The following SUPT3H variants were observed in gnomAD, a reference collection of about 807,000 sequenced individuals.
SUPT3H encodes the protein SPT3 homolog, SAGA and STAGA complex component, also known as transcription initiation protein SPT3 homolog.
SUPT3H carries 44 observed loss-of-function variants against 44.3 expected under a neutral mutation model. That is an observed-to-expected ratio of 0.99 (90% CI 0.78 to 1.28). The LOEUF is 1.28. Ranked by LOEUF, SUPT3H falls within the 50% of genes most tolerant of loss-of-function variation. The pLI is 0.00. For missense variants in SUPT3H, 380 were observed against 387.1 expected, an observed-to-expected ratio of 0.98 and a Z score of 0.15; for synonymous variants, 124 against 125.6, an observed-to-expected ratio of 0.99 and a Z score of 0.09.
intron 10 of SUPT3H, among the ~76,000 whole-genome samples, chr6:44,913,312 C>T (rs1010557113): frequency 1.3e-5 from 2 of 152,158 alleles, no homozygotes; most frequent in African/African-American, 4.8e-5. Context: ...CTGTGTTTAT[C>T]ATTGGCTTTT....
At chr6:45,202,267 G>T (rs2153626484) in intron 2 of SUPT3H, among the ~76,000 whole-genome samples, 1 of 151,916 alleles carries the variant, frequency 6.6e-6, no homozygotes, top group Non-Finnish European at 1.5e-5. Context: ...TTTTAATAAT[G>T]ATGATACCTT....
intron 10 of SUPT3H, among the ~76,000 whole-genome samples, chr6:44,927,376 T>C (rs868855783): frequency 6.6e-6 from 1 of 152,308 alleles, no homozygotes; most frequent in Middle Eastern, 3.4e-3. Context: ...ACAGTAGCAT[T>C]TCTTTCATAA....
chr6:45,050,878 ATTTTTT>A (rs35575281), intron 3 of SUPT3H, among the ~76,000 whole-genome samples: 1 of 86,164 alleles, frequency 1.2e-5, no homozygotes, highest in East Asian at 3.7e-4. Flanking sequence ...AGGGTATGGG[ATTTTTT>A]TTTTTTTTTT....
Position 45,043,885 on chromosome 6 carries a change from C to T in SUPT3H, c.187-23253G>A, listed in dbSNP as rs200351934. ...AATAAAACTAAATGAACTGAAGCTA[C>T]AAACAACTCAGGGCTTTCAAGAACC... On this transcript the variant is annotated intron_variant, in intron 3 of 10. Coordinates refer to ENST00000371459, the MANE Select transcript of SUPT3H (RefSeq NM_003599.4). Among the ~76,000 whole-genome samples, 15 of 152,224 alleles carry T rather than the reference C, an allele frequency of 9.9e-5. No homozygotes were observed. The East Asian group carries it at 2.3e-3, about 23-fold the overall frequency.
rs1452428787 is a variant in SUPT3H at position 45,102,802 on chromosome 6, C to T, written c.186+3120G>A. 4.0e-5 allele frequency among the ~76,000 whole-genome samples: 6 copies of T among 151,840 alleles called. No homozygotes were observed. The East Asian group carries it at 5.8e-4, about 15-fold the overall frequency. ...CTAAAAATACAAAAAATTAGCTGGGCGTGGTGGCACACCTGTAATCTCAGC... is the reference window on the plus strand; with the variant it reads ...CTAAAAATACAAAAAATTAGCTGGGTGTGGTGGCACACCTGTAATCTCAGC... On this transcript the variant is annotated intron_variant, in intron 3 of 10. Transcript: ENST00000371459.
At chr6:45,117,307 TC>T (rs1225503851) in intron 2 of SUPT3H, among the ~76,000 whole-genome samples, 2 of 151,950 alleles carry the variant, frequency 1.3e-5, no homozygotes, top group Non-Finnish European at 2.9e-5. Context: ...GAAATATAAC[TC>T]TCCATCTCAT....
chr6:45,085,171 T>A (rs1796332809), intron 3 of SUPT3H, among the ~76,000 whole-genome samples: 1 of 152,090 alleles, frequency 6.6e-6, no homozygotes, highest in African/African-American at 2.4e-5. Flanking sequence ...GAAAAGAAAG[T>A]GCAAACATCT....
chr6:45,017,829 G>A (rs1310277265), intron 4 of SUPT3H, among the ~76,000 whole-genome samples: 1 of 140,390 alleles, frequency 7.1e-6, no homozygotes, highest in African/African-American at 2.7e-5. Flanking sequence ...GGCGATGTGG[G>A]CTCTGTTTTG....
At position 45,015,586 on chromosome 6, in the gene SUPT3H, G is replaced by A. The variant is rs114294232; in HGVS notation, c.274-695C>T. On this transcript the variant is annotated intron_variant, in intron 4 of 10. Coordinates refer to ENST00000371459, the MANE Select transcript of SUPT3H (RefSeq NM_003599.4). ...TTTCTTCAATAATAAATGTGCCTTA[G>A]CTTACTTACTGTAACTATTTTACTT... is the stretch of plus-strand genomic sequence containing the variant. Among the ~76,000 whole-genome samples, 1,391 of 152,020 alleles carry A rather than the reference G, an allele frequency of 9.2e-3. 20 individuals carry two copies. The highest frequency in any genetic ancestry group is 0.032 in the African/African-American group (1,329 of 41,506).
chr6:45,305,227 C>CG (rs1372290062), intron 2 of SUPT3H, among the ~76,000 whole-genome samples: 2 of 152,124 alleles, frequency 1.3e-5, no homozygotes, highest in Non-Finnish European at 2.9e-5. Context: ...TCCATATTAC[C>CG]GGAACATAAC....
intron 2 of SUPT3H, among the ~76,000 whole-genome samples, chr6:45,330,160 G>GT (rs1196116935): frequency 1.3e-5 from 2 of 151,790 alleles, no homozygotes; most frequent in African/African-American, 2.4e-5. Flanking sequence ...CTCAATAGCT[G>GT]TAAGTGGGCC....
intron 10 of SUPT3H, among the ~76,000 whole-genome samples, chr6:44,871,159 G>A (rs914959689): frequency 6.3e-4 from 95 of 150,202 alleles, no homozygotes; most frequent in African/African-American, 2.0e-3. Context: ...GCTCAAGGAG[G>A]CCTGCCTGCC....
Position 45,287,506 on chromosome 6 carries a change from G to A in SUPT3H, c.101+77695C>T, listed in dbSNP as rs942653764. Among the ~76,000 whole-genome samples, 3 of 152,088 alleles carry A rather than the reference G, an allele frequency of 2.0e-5. 1 individual carries two copies. The highest frequency in any genetic ancestry group is 4.4e-5 in the Non-Finnish European group (3 of 67,994). ...TAGTGAAATAAACCAGTCACCAAAG[G>A]ATGAATATTGCATGATTCTACTTAT... On this transcript the variant is annotated intron_variant, in intron 2 of 10. Transcript: ENST00000371459.
At chr6:45,346,284 G>A (rs1170703887) in intron 2 of SUPT3H, among the ~76,000 whole-genome samples, 2 of 151,998 alleles carry the variant, frequency 1.3e-5, no homozygotes, top group Non-Finnish European at 2.9e-5. Context: ...AAAATCCATT[G>A]TTCATAGGAA....
At chr6:45,110,544 A>G (rs1799898069) in intron 2 of SUPT3H, among the ~76,000 whole-genome samples, 1 of 148,898 alleles carries the variant, frequency 6.7e-6, no homozygotes, top group African/African-American at 2.5e-5. Context: ...ACCCCTTTTC[A>G]GTGCTTTCTA....
At chr6:45,034,918 G>T (rs558848334) in intron 3 of SUPT3H, among the ~76,000 whole-genome samples, 52 of 152,264 alleles carry the variant, frequency 3.4e-4, no homozygotes, top group Non-Finnish European at 5.3e-4. Flanking sequence ...TCCACAGCTA[G>T]TAGACAACTT....
At chr6:45,341,281 G>C (rs149333152) in intron 2 of SUPT3H, among the ~76,000 whole-genome samples, 2 of 152,276 alleles carry the variant, frequency 1.3e-5, no homozygotes, top group African/African-American at 4.8e-5. Context: ...AAAAAATGCT[G>C]ATTAGAAACC....
intron 1 of SUPT3H, among the ~76,000 whole-genome samples, chr6:45,375,717 C>T (rs573356174): frequency 2.6e-5 from 4 of 152,120 alleles, no homozygotes; most frequent in South Asian, 4.2e-4. Flanking sequence ...CCCAAGGGCA[C>T]CATTTTACAG....
intron 6 of SUPT3H, among the ~76,000 whole-genome samples, chr6:45,003,216 A>G (rs1369637014): frequency 6.6e-6 from 1 of 152,160 alleles, no homozygotes; most frequent in African/African-American, 2.4e-5. Flanking sequence ...TACCCTAGCT[A>G]GTAAGTCCAA....
Sources: gnomAD v4.1 joint callset for allele counts (sites outside exome capture counted in the v4.1 genomes callset) on GRCh38, gnomAD v4.1.1 for gene constraint, MANE v1.5 for transcripts, NCBI Gene and HGNC (gene_info 2026-07-23, HGNC 2026-07-21) for gene names.